Variants in MASP1 observed in about 807,000 individuals in gnomAD.
MASP1 encodes mannan-binding lectin serine protease 1.
Under a neutral mutation model 77.1 loss-of-function variants are expected in MASP1, and 59 were observed. That is an observed-to-expected ratio of 0.77 (90% CI 0.62 to 0.95). The LOEUF (loss-of-function observed/expected upper bound fraction) is 0.95, where lower values mean the gene tolerates loss of function less well. MASP1 is among the 40% of genes least tolerant of loss of function. MASP1 has a pLI of 0.00. For missense variants in MASP1, 885 were observed against 912.9 expected (o/e 0.97, Z 0.39); for synonymous variants, 362 against 354.5 (o/e 1.02, Z -0.24).
At position 187,251,708 on chromosome 3, in the gene MASP1, CG is replaced by C. The variant is rs1287523860; in HGVS notation, c.936del (p.Ile312MetfsTer25). On this transcript the variant is annotated frameshift_variant, in exon 7 of 11. Transcript: ENST00000296280. LOFTEE classifies it high-confidence loss of function. Reference protein sequence around the residue: ...PELQPPVHGKIEPSQAKYFFK... With the variant: ...PELQPPVHGKXEPSQAKYFFK... ...AAGAAATACTTGGCTTGGGAGGGCT[CG>C]ATTTTCCCATGGACAGGAGGCTGTA... 1 of 1,613,944 alleles carries C rather than the reference CG, an allele frequency of 6.2e-7. No homozygotes were observed. The highest frequency in any genetic ancestry group is 8.5e-7 in the Non-Finnish European group (1 of 1,179,974).
At chr3:187,259,401 C>T (rs1715367482) in intron 4 of MASP1, among the ~76,000 whole-genome samples, 1 of 152,162 alleles carries the variant, frequency 6.6e-6, no homozygotes, top group Non-Finnish European at 1.5e-5. Flanking sequence ...AAAATTCCTT[C>T]TTGGTGGGGA....
At position 187,236,323 on chromosome 3, in the gene MASP1, G is replaced by C. The variant is rs747657898; in HGVS notation, c.1548C>G (p.Val516=). The part of the protein sequence containing the change: ...TTVIPVSKEH[V]TVYLGLHDVR... ...CATCATGCAAGCCCAGGTAGACGGTGACATGCTCCTTGGAGACTGGTATCA... is the reference window on the plus strand; with the variant it reads ...CATCATGCAAGCCCAGGTAGACGGTCACATGCTCCTTGGAGACTGGTATCA... Residue 516 remains valine (V), a synonymous_variant, in exon 11 of 11, where the codon GTC becomes GTG. Transcript: ENST00000296280. 1 of 1,614,276 alleles carries C rather than the reference G, an allele frequency of 6.2e-7. No individual in the cohort carries two copies. The highest frequency in any genetic ancestry group is 8.5e-7 in the Non-Finnish European group (1 of 1,180,054).
Position 187,250,241 on chromosome 3 carries a change from G to T in MASP1, c.1090+10C>A. The T allele has an allele frequency of 6.2e-7, 1 of 1,610,448 alleles. No individual in the cohort carries two copies. Among genetic ancestry groups the T allele is most frequent in the Non-Finnish European group, 8.5e-7 (1 of 1,176,744 alleles). On this transcript the variant is annotated intron_variant, in intron 8 of 10. Coordinates refer to ENST00000296280, the MANE Select transcript of MASP1 (RefSeq NM_139125.4). ...CAGTATCTTTATAACAACCCATTAG[G>T]CTTTCTTACTTTTACAGGTGGGAAT... is the stretch of plus-strand genomic sequence containing the variant.
intron 5 of MASP1, 69 bp downstream of exon 5, chr3:187,256,595 A>G: frequency 6.8e-7 from 1 of 1,463,278 alleles, no homozygotes; most frequent in South Asian, 1.2e-5. Context: ...AAGGTTCCGC[A>G]ATATCAATTT....
chr3:187,224,385 C>G (rs563045629), intron 13 of MASP1, among the ~76,000 whole-genome samples: 3 of 129,214 alleles, frequency 2.3e-5, no homozygotes, highest in Admixed American at 9.2e-5. Flanking sequence ...CTCGCTCTGT[C>G]GCCCAGGCTG....
chr3:187,226,284 A>C, intron 12 of MASP1: 1 of 751,100 alleles, frequency 1.3e-6, no homozygotes, highest in Non-Finnish European at 2.4e-6. Context: ...CCTCCATCCC[A>C]GGTGTCCTGC....
intron 10 of MASP1, among the ~76,000 whole-genome samples, chr3:187,237,889 G>A (rs1384681706): frequency 1.3e-5 from 2 of 152,206 alleles, no homozygotes; most frequent in Non-Finnish European, 2.9e-5. Context: ...GGGAGAGCAG[G>A]CTTTTAGCAA....
intron 2 of MASP1, among the ~76,000 whole-genome samples, chr3:187,269,227 A>T (rs1467529027): frequency 6.6e-6 from 1 of 152,176 alleles, no homozygotes; most frequent in Non-Finnish European, 1.5e-5. Context: ...TCTTAAGAGC[A>T]TTATTCTGTA....
intron 14 of MASP1, among the ~76,000 whole-genome samples, chr3:187,222,159 A>T (rs370468464): frequency 3.2e-4 from 48 of 152,328 alleles, no homozygotes; most frequent in African/African-American, 1.1e-3. Flanking sequence ...GTATCATTTC[A>T]GCATCACTTC....
At chr3:187,243,734 A>G in intron 8 of MASP1, 113 bp from the exon 9 acceptor site, 10 of 1,346,534 alleles carry the variant, frequency 7.4e-6, no homozygotes, top group Non-Finnish European at 9.5e-6. Flanking sequence ...CAATTCCAGA[A>G]AGCAATGTTA....
At chr3:187,246,955 A>T in intron 8 of MASP1, 1 of 1,122,708 alleles carries the variant, frequency 8.9e-7, no homozygotes, top group South Asian at 2.5e-5. Flanking sequence ...TGTAGAATGG[A>T]TTAGAAACCA....
exon 12 of MASP1, chr3:187,226,407 C>T: frequency 1.2e-6 from 2 of 1,604,230 alleles, no homozygotes; most frequent in East Asian, 4.5e-5. Flanking sequence ...ACTCACTCAC[C>T]CAGGATGATT....
downstream of MASP1, among the ~76,000 whole-genome samples, chr3:187,230,388 G>A (rs1310235715): frequency 6.6e-6 from 1 of 152,198 alleles, no homozygotes; most frequent in Non-Finnish European, 1.5e-5. Context: ...CAGAGAGATT[G>A]CACCCTAATA....
At chr3:187,272,883 C>G (rs1716637262) in intron 2 of MASP1, among the ~76,000 whole-genome samples, 1 of 152,150 alleles carries the variant, frequency 6.6e-6, no homozygotes, top group South Asian at 2.1e-4. Flanking sequence ...TCCTAGGAAA[C>G]TAATATTCTC....
rs1383297916 is a variant in MASP1, at chr3:187,234,269, A to C, written c.*1415T>G. 7.8e-6 allele frequency: 10 copies of C among 1,287,130 alleles called. No homozygotes were observed. Among genetic ancestry groups the C allele is most frequent in the Non-Finnish European group, 1.0e-5 (10 of 988,690 alleles). The allele number at this position is 1,287,130 out of a possible 1,614,324, so 79.7% of individuals were successfully genotyped here. A position where few individuals can be genotyped will look rare whatever the true frequency, so the allele number is the denominator to read the frequency against. The stretch of plus-strand genomic sequence containing the variant: ...TTGAGAAAGTGGACACTTCCCAATC[A>C]TTCCCTCTCAGGGGCTTCTCTGGCT... On this transcript the variant is annotated 3_prime_UTR_variant, in exon 11 of 11. Coordinates refer to ENST00000296280, the MANE Select transcript of MASP1 (RefSeq NM_139125.4).
chr3:187,257,437 C>G (rs1387886856), intron 4 of MASP1, among the ~76,000 whole-genome samples: 1 of 152,112 alleles, frequency 6.6e-6, no homozygotes, highest in East Asian at 1.9e-4. Context: ...GTGGTGCCAT[C>G]TCAGCCCACT....
In MASP1 at chr3:187,269,939, C is replaced by T. The variant is rs975993138; in HGVS notation, c.238-7219G>A. ...TGAGGTCCTGGAGTTCAAGCCTGAA[C>T]GGCTAATGGGATAAAACTTTGAGAG... On this transcript the variant is annotated intron_variant, in intron 2 of 10. Coordinates refer to ENST00000296280, the MANE Select transcript of MASP1 (RefSeq NM_139125.4). Among the ~76,000 whole-genome samples, 96 of 152,218 alleles carry T rather than the reference C, an allele frequency of 6.3e-4. 1 individual carries two copies. The highest frequency in any genetic ancestry group is 1.9e-3 in the African/African-American group (79 of 41,556).
intron 10 of MASP1, among the ~76,000 whole-genome samples, chr3:187,239,319 C>T (rs187787479): frequency 5.0e-4 from 76 of 152,146 alleles, no homozygotes; most frequent in African/African-American, 1.6e-3. Context: ...CACCATTGCA[C>T]GCAGCCTGGG....
chr3:187,248,672 G>C (rs960937346), intron 8 of MASP1, among the ~76,000 whole-genome samples: 1 of 152,142 alleles, frequency 6.6e-6, no homozygotes, highest in Admixed American at 6.5e-5. Flanking sequence ...ACCACCACTT[G>C]AGTTCCGCCA....
Sources: gnomAD v4.1 joint callset for allele counts (sites outside exome capture counted in the v4.1 genomes callset) on GRCh38, gnomAD v4.1.1 for gene constraint, MANE v1.5 for transcripts, NCBI Gene and HGNC (gene_info 2026-07-23, HGNC 2026-07-21) for gene names.